The following BPTF variants were observed in gnomAD, a reference collection of about 807,000 sequenced individuals.
BPTF encodes nucleosome-remodeling factor subunit BPTF.
Under a neutral mutation model 292.5 loss-of-function variants are expected in BPTF, and 18 were observed. The observed-to-expected ratio is 0.06, with a 90% CI of 0.04 to 0.09. BPTF has a LOEUF of 0.09. Ranked by LOEUF, BPTF falls within the 10% of genes least tolerant of loss-of-function variation. BPTF has a pLI of 1.00. For missense variants in BPTF, 2,726 were observed against 3,498.7 expected (o/e 0.78, Z 5.57); for synonymous variants, 1,225 against 1,251.9 (o/e 0.98, Z 0.45).
intron 11 of BPTF, among the ~76,000 whole-genome samples, chr17:67,915,772 C>G (rs1019476540): frequency 6.6e-6 from 1 of 152,138 alleles, no homozygotes; most frequent in Non-Finnish European, 1.5e-5. Context: ...TTGTCCTTTC[C>G]TCTCTTACAG....
intron 11 of BPTF, among the ~76,000 whole-genome samples, chr17:67,915,413 A>G (rs184584103): frequency 2.0e-5 from 3 of 152,340 alleles, no homozygotes; most frequent in Non-Finnish European, 2.9e-5. Flanking sequence ...ACATTCATGG[A>G]AAGTACTTCC....
chr17:67,863,531 G>A (rs181384413), intron 2 of BPTF, among the ~76,000 whole-genome samples: 3 of 152,086 alleles, frequency 2.0e-5, no homozygotes, highest in South Asian at 2.1e-4. Flanking sequence ...TGATCTGCCC[G>A]CCTTGGCCTC....
intron 1 of BPTF, among the ~76,000 whole-genome samples, chr17:67,842,817 C>CAAAAAAAAAAAAAAAAAAAA (rs60085248): frequency 4.2e-5 from 2 of 47,804 alleles, no homozygotes; most frequent in East Asian, 7.4e-4. Flanking sequence ...CAATTAAGGC[C>CAAAAAAAAAAAAAAAAAAAA]AAAAAAAAAA....
At chr17:67,979,219 C>T (rs1296811176) in intron 27 of BPTF, among the ~76,000 whole-genome samples, 1 of 134,168 alleles carries the variant, frequency 7.5e-6, no homozygotes, top group Non-Finnish European at 1.6e-5. Context: ...CTAGGTGCTA[C>T]AGAGAAAAAT....
At chr17:67,933,727 A>T (rs2064639123) in intron 18 of BPTF, among the ~76,000 whole-genome samples, 1 of 152,224 alleles carries the variant, frequency 6.6e-6, no homozygotes, top group African/African-American at 2.4e-5. Flanking sequence ...CTATGTATCA[A>T]CTTTTGTGCC....
At chr17:67,849,782 A>G (rs1312178554) in intron 1 of BPTF, among the ~76,000 whole-genome samples, 1 of 152,142 alleles carries the variant, frequency 6.6e-6, no homozygotes, top group Admixed American at 6.5e-5. Flanking sequence ...TACTAAAAAT[A>G]CAAAAAAAAT....
chr17:67,878,153 T>A (rs1321993094), intron 4 of BPTF, among the ~76,000 whole-genome samples: 1 of 152,184 alleles, frequency 6.6e-6, no homozygotes, highest in African/African-American at 2.4e-5. Flanking sequence ...CAGTATATAC[T>A]CTTTGATGCC....
intron 27 of BPTF, chr17:67,977,979 C>T (rs2069750813): frequency 6.6e-6 from 1 of 150,948 alleles, no homozygotes; most frequent in African/African-American, 2.4e-5. Context: ...CTCAGCCTCC[C>T]TAGTAGCTGG....
chr17:67,968,004 T>C (rs1306171401), intron 26 of BPTF, among the ~76,000 whole-genome samples: 1 of 151,364 alleles, frequency 6.6e-6, no homozygotes, highest in Non-Finnish European at 1.5e-5. Flanking sequence ...GGAGAGTAAA[T>C]TTTATGAACT....
intron 1 of BPTF, among the ~76,000 whole-genome samples, chr17:67,851,326 T>G (rs1313129196): frequency 1.3e-5 from 2 of 151,920 alleles, no homozygotes; most frequent in African/African-American, 2.4e-5. Flanking sequence ...GAAATAGAGA[T>G]TTCTCTGAAA....
At chr17:67,936,446 G>T (rs2064921924) in intron 18 of BPTF, among the ~76,000 whole-genome samples, 1 of 152,184 alleles carries the variant, frequency 6.6e-6, no homozygotes. Context: ...AATTGCCAGA[G>T]AAACTGTAAA....
At chr17:67,964,125 G>T in intron 24 of BPTF, 87 bp from the exon 25 acceptor site, 1 of 1,373,918 alleles carries the variant, frequency 7.3e-7, no homozygotes, top group East Asian at 2.3e-5. Context: ...ATATCCCAGG[G>T]TTTAGCAAAT....
At chr17:67,959,270 TC>T in intron 23 of BPTF, among the ~76,000 whole-genome samples, 1 of 152,216 alleles carries the variant, frequency 6.6e-6, no homozygotes. Context: ...GGGACGCTCT[TC>T]CTAGCCACTT....
chr17:67,947,495 T>C (rs2065899903), intron 21 of BPTF, among the ~76,000 whole-genome samples: 1 of 152,242 alleles, frequency 6.6e-6, no homozygotes, highest in Admixed American at 6.5e-5. Flanking sequence ...GGTTCAGTGT[T>C]GTTGTAAGGA....
chr17:67,964,297 G>C lies in BPTF; in HGVS notation c.8347G>C (p.Glu2783Gln). 6.2e-7 allele frequency: 1 copy of C among 1,614,166 alleles called. No homozygotes were observed. The highest frequency in any genetic ancestry group is 8.5e-7 in the Non-Finnish European group (1 of 1,180,030). ...GCAAAGTGAGGCAGAGCTCATTGAT[G>C]AGTATGTCTGTCCACAGTGCCAGTC... ...ILQSEAELID[E>Q]YVCPQCQSTE... is the part of the protein sequence containing the mutation. Residue 2783 changes from glutamate to glutamine, a missense_variant, in exon 25 of 28, where the codon GAG becomes CAG. Physicochemically the swap from Glu to Gln is conservative, Grantham distance 29. Transcript: ENST00000306378.
chr17:67,928,951 C>T, intron 16 of BPTF: 4 of 1,169,340 alleles, frequency 3.4e-6, no homozygotes, highest in Non-Finnish European at 4.2e-6. Flanking sequence ...TGTCTTATAC[C>T]CCATTAGCCA....
At position 67,947,927 on chromosome 17, in the gene BPTF, G is replaced by T; in HGVS notation, c.7700+119G>T. 3 of 1,234,428 alleles carry T rather than the reference G, an allele frequency of 2.4e-6. No homozygotes were observed. In the South Asian group the frequency reaches 4.4e-5, roughly 18 times the overall value. 76.5% of individuals were successfully genotyped at this position (1,234,428 alleles called of 1,614,324 possible). A position where few individuals can be genotyped will look rare whatever the true frequency, so the allele number is the denominator to read the frequency against. ...GAAGTTCATTAAATGAGAACACTTGGCACTAATAGTTACTCATAACTGGTT... is the reference window on the plus strand; with the variant it reads ...GAAGTTCATTAAATGAGAACACTTGTCACTAATAGTTACTCATAACTGGTT... On this transcript the variant is annotated intron_variant, in intron 22 of 27. Transcript: ENST00000306378.
Position 67,912,390 on chromosome 17 carries a change from G to C in BPTF, c.4506G>C (p.Glu1502Asp). ...AAGGTAACTACCGAGATAGCCTTGA[G>C]ACCCTGCCATCAACCAAAGAGTCTG... The part of the protein sequence containing the change: ...DAEGNYRDSL[E>D]TLPSTKESDS... The change falls in exon 11 of 28, where the codon GAG (glutamate) becomes GAC (aspartate). Residue 1502 changes from glutamate (E) to aspartate (D), a missense_variant. Glu to Asp is a conservative substitution (Grantham distance 45, BLOSUM62 2). Transcript: ENST00000306378. 2 of 1,614,080 alleles carry C rather than the reference G, an allele frequency of 1.2e-6. No individual in the cohort carries two copies. Among genetic ancestry groups the C allele is most frequent in the Non-Finnish European group, 1.7e-6 (2 of 1,180,018 alleles).
chr17:67,978,368 G>A (rs1267048775), intron 27 of BPTF, among the ~76,000 whole-genome samples: 18 of 149,740 alleles, frequency 1.2e-4, no homozygotes, highest in African/African-American at 4.4e-4. Context: ...GCACAATCTC[G>A]GCTCGCTGCA....
Sources: allele counts gnomAD v4.1 joint callset (sites outside exome capture counted in the v4.1 genomes callset), GRCh38; gene constraint gnomAD v4.1.1; transcripts MANE v1.5; gene names NCBI Gene and HGNC (gene_info 2026-07-23, HGNC 2026-07-21).